CC2D2A: variants seen among roughly 807,000 people sequenced by gnomAD.
The protein encoded by CC2D2A is coiled-coil and C2 domain containing 2A, also known as coiled-coil and C2 domain-containing protein 2A.
In CC2D2A, 155 loss-of-function variants were observed where a neutral mutation model predicts 212.9. The observed-to-expected ratio is 0.73, with a 90% CI of 0.64 to 0.83. The LOEUF (loss-of-function observed/expected upper bound fraction) is 0.83, where lower values mean the gene tolerates loss of function less well. Ranked by LOEUF, CC2D2A falls within the 40% of genes least tolerant of loss-of-function variation. The pLI, the probability that CC2D2A is intolerant of heterozygous loss-of-function variation, is 0.00. For synonymous variants in CC2D2A, 667 were observed against 686.5 expected, an observed-to-expected ratio of 0.97 and a Z score of 0.44; for missense variants, 1,856 against 1,956.2, an observed-to-expected ratio of 0.95 and a Z score of 0.97.
intron 21 of CC2D2A, among the ~76,000 whole-genome samples, chr4:15,558,103 A>G (rs1436127329): frequency 6.6e-6 from 1 of 152,184 alleles, no homozygotes; most frequent in African/African-American, 2.4e-5. Context: ...ACTGCAGGTA[A>G]CAGGCCTGTG....
At chr4:15,571,606 C>CAA (rs11393258) in intron 28 of CC2D2A, among the ~76,000 whole-genome samples, 17,018 of 142,384 alleles carry the variant, frequency 0.12, 1,099 homozygotes, top group Non-Finnish European at 0.14. Flanking sequence ...CCGTTTAAAC[C>CAA]AAAAAAAAAA....
chr4:15,533,189 G>A lies in CC2D2A; in HGVS notation c.1467-4G>A, dbSNP rs200698609. On this transcript the variant is annotated splice_region_variant and splice_polypyrimidine_tract_variant and intron_variant, in intron 13 of 36. Coordinates refer to ENST00000424120, the MANE Select transcript of CC2D2A (RefSeq NM_001378615.1). The stretch of plus-strand genomic sequence containing the variant: ...ATATACTCATGTGTTATTATATCTT[G>A]CAGACAAACAAGAAAATTCCGTGAT... The A allele has an allele frequency of 1.3e-6, 2 of 1,577,280 alleles. No homozygotes were observed. The highest frequency in any genetic ancestry group is 1.7e-6 in the Non-Finnish European group (2 of 1,169,598).
chr4:15,596,283 T>G (rs1345163730), intron 34 of CC2D2A, 76 bp downstream of exon 34: 5 of 1,350,890 alleles, frequency 3.7e-6, no homozygotes, highest in Non-Finnish European at 4.9e-6. Context: ...AAGATATTTT[T>G]TACCCCTGGG....
chr4:15,534,703 A>T (rs1560169838), intron 14 of CC2D2A, among the ~76,000 whole-genome samples: 1 of 152,168 alleles, frequency 6.6e-6, no homozygotes, highest in Non-Finnish European at 1.5e-5. Context: ...CAGCCATATT[A>T]CAGCCAAAGA....
At chr4:15,481,980 T>A in intron 4 of CC2D2A, 1 of 985,394 alleles carries the variant, frequency 1.0e-6, no homozygotes, top group South Asian at 4.7e-5. Flanking sequence ...CCCAGTACAA[T>A]GAACATTAGG....
chr4:15,507,117 T>C (rs1006848076), intron 6 of CC2D2A, among the ~76,000 whole-genome samples: 1 of 151,596 alleles, frequency 6.6e-6, no homozygotes, highest in Admixed American at 6.6e-5. Flanking sequence ...CACTGGGTAA[T>C]ACTCATCTGC....
chr4:15,538,047 C>G lies in CC2D2A; in HGVS notation c.1913C>G (p.Ala638Gly). The G allele has an allele frequency of 1.9e-6, 3 of 1,607,380 alleles. No individual in the cohort carries two copies. The highest frequency in any genetic ancestry group is 2.2e-5 in the South Asian group (2 of 89,320). ...ATAGAGCAGGAGGTGAGGGAGAGAG[C>G]AGCCCAGAGCAGGAGGAGGCCTTGG... ...AVIEQEVRER[A>G]AQSRRRPWEP... Residue 638 changes from alanine (A) to glycine (G), a missense_variant, in exon 16 of 37, where the codon GCA becomes GGA. Physicochemically the swap from Ala to Gly is moderately conservative, Grantham distance 60. Around this residue, in one of 5 missense-constraint regions of CC2D2A, gnomAD observed 1,512 missense variants for 1,579.3 expected, o/e 0.96. Transcript: ENST00000424120.
chr4:15,482,171 G>A (rs1297676641), intron 4 of CC2D2A: 1 of 985,310 alleles, frequency 1.0e-6, no homozygotes, highest in Non-Finnish European at 1.2e-6. Context: ...TTGGAAGCAA[G>A]TAGACTCTTA....
chr4:15,480,638 C>T, intron 3 of CC2D2A, 66 bp from the exon 4 acceptor site: 2 of 1,535,972 alleles, frequency 1.3e-6, no homozygotes, highest in Non-Finnish European at 1.8e-6. Flanking sequence ...GACCCATCTT[C>T]CCAAGAGAGG....
At chr4:15,590,081 CTCTT>C (rs761164993) in intron 33 of CC2D2A, among the ~76,000 whole-genome samples, 1 of 152,172 alleles carries the variant, frequency 6.6e-6, no homozygotes, top group African/African-American at 2.4e-5. Flanking sequence ...GTTTCTCTGT[CTCTT>C]TCTCTCTTTC....
intron 24 of CC2D2A, among the ~76,000 whole-genome samples, chr4:15,565,171 C>T (rs1171665749): frequency 6.6e-6 from 1 of 152,206 alleles, no homozygotes; most frequent in Non-Finnish European, 1.5e-5. Context: ...CAAAGCTCAA[C>T]TGGGGTGAAA....
intron 30 of CC2D2A, among the ~76,000 whole-genome samples, chr4:15,582,671 T>C (rs146847986): frequency 5.1e-4 from 78 of 152,110 alleles, no homozygotes; most frequent in African/African-American, 1.8e-3. Flanking sequence ...AACAGAACAA[T>C]AACAAGTAAT....
At chr4:15,539,137 C>G (rs948542683) in intron 16 of CC2D2A, among the ~76,000 whole-genome samples, 1 of 151,978 alleles carries the variant, frequency 6.6e-6, no homozygotes, top group African/African-American at 2.4e-5. Flanking sequence ...TAAAGTCAAC[C>G]AACTAAACAG....
chr4:15,493,555 G>C (rs1318868911), intron 4 of CC2D2A, among the ~76,000 whole-genome samples: 1 of 152,122 alleles, frequency 6.6e-6, no homozygotes, highest in African/African-American at 2.4e-5. Context: ...TTACAGGCTT[G>C]AGTCACTGCA....
chr4:15,522,775 C>T (rs1192198785), intron 11 of CC2D2A, among the ~76,000 whole-genome samples: 1 of 151,938 alleles, frequency 6.6e-6, no homozygotes, highest in African/African-American at 2.4e-5. Flanking sequence ...AAAACATAAA[C>T]AATATAAAAT....
chr4:15,500,097 GTGTGTGTGTGTATATA>G (rs1274986898), intron 4 of CC2D2A, among the ~76,000 whole-genome samples: 115 of 53,012 alleles, frequency 2.2e-3, no homozygotes, highest in African/African-American at 5.1e-3. Flanking sequence ...GTGTGTGTGT[GTGTGTGTGTGTATATA>G]TATATATATA....
chr4:15,588,408 G>A (rs1052129299), intron 32 of CC2D2A, among the ~76,000 whole-genome samples: 15 of 152,098 alleles, frequency 9.9e-5, no homozygotes, highest in Admixed American at 6.5e-4. Context: ...TGAAAAGAAC[G>A]TTAGCAGCTT....
chr4:15,472,235 G>A (rs1049355029), intron 1 of CC2D2A, among the ~76,000 whole-genome samples: 17 of 152,180 alleles, frequency 1.1e-4, no homozygotes, highest in African/African-American at 4.1e-4. Flanking sequence ...CAGAGCCTCA[G>A]TTTACTCATA....
intron 19 of CC2D2A, 46 bp from the exon 20 acceptor site, chr4:15,555,026 T>C (rs570600253): frequency 1.3e-6 from 2 of 1,577,160 alleles, no homozygotes; most frequent in South Asian, 2.3e-5. Flanking sequence ...TGATGCAAAC[T>C]GTTCTGTGGT....
Sources: gnomAD v4.1 joint callset for allele counts (sites outside exome capture counted in the v4.1 genomes callset) on GRCh38, gnomAD v4.1.1 for gene constraint, gnomAD v4.1.1 regional missense constraint, MANE v1.5 for transcripts, NCBI Gene and HGNC (gene_info 2026-07-23, HGNC 2026-07-21) for gene names.